The following BABAM2 variants were observed in gnomAD, a reference collection of about 807,000 sequenced individuals.
BABAM2 encodes BRISC and BRCA1-A complex member 2.
Under a neutral mutation model 54.7 loss-of-function variants are expected in BABAM2, and 31 were observed. The observed-to-expected ratio is 0.57, with a 90% CI of 0.43 to 0.77. The LOEUF is 0.77. BABAM2 is among the 30% of genes least tolerant of loss of function. The pLI, the probability that BABAM2 is intolerant of heterozygous loss-of-function variation, is 0.00. For missense variants in BABAM2, 364 were observed against 455.8 expected (o/e 0.80, Z 1.83); for synonymous variants, 167 against 162.9 (o/e 1.03, Z -0.19).
At chr2:28,033,049 A>T (rs1409921353) in intron 5 of BABAM2, among the ~76,000 whole-genome samples, 1 of 152,106 alleles carries the variant, frequency 6.6e-6, no homozygotes, top group Non-Finnish European at 1.5e-5. Flanking sequence ...TACCACAAAG[A>T]TCTCTACTGC....
chr2:28,117,747 A>G (rs182823300), intron 6 of BABAM2, among the ~76,000 whole-genome samples: 1 of 152,332 alleles, frequency 6.6e-6, no homozygotes, highest in East Asian at 1.9e-4. Context: ...CCCAGGTATT[A>G]GGACAGGAAG....
intron 6 of BABAM2, among the ~76,000 whole-genome samples, chr2:28,093,667 T>C (rs1010935956): frequency 2.8e-4 from 42 of 152,356 alleles, no homozygotes; most frequent in African/African-American, 8.7e-4. Flanking sequence ...AGTTTTGTTA[T>C]GAATTAATTA....
chr2:28,016,445 G>A lies in BABAM2; in HGVS notation c.301-8781G>A, dbSNP rs1266294513. 20 of 1,367,304 alleles carry A rather than the reference G, an allele frequency of 1.5e-5. No individual in the cohort carries two copies. In the Admixed American group the frequency reaches 3.4e-4, roughly 23 times the overall value. 84.7% of individuals were successfully genotyped at this position (1,367,304 alleles called of 1,614,324 possible). A position where few individuals can be genotyped will look rare whatever the true frequency, so the allele number is the denominator to read the frequency against. On this transcript the variant is annotated intron_variant, in intron 4 of 11. Transcript: ENST00000379624. ...ACCCCTTGATCTCGCCATTGCTGTT[G>A]GGTTCATATAGGCTACCCATTTGTC...
intron 4 of BABAM2, among the ~76,000 whole-genome samples, chr2:28,004,647 A>G (rs1246742445): frequency 2.6e-5 from 4 of 152,076 alleles, no homozygotes; most frequent in Non-Finnish European, 5.9e-5. Flanking sequence ...CACAAACACT[A>G]ATTGACATAA....
intron 7 of BABAM2, among the ~76,000 whole-genome samples, chr2:28,198,280 C>T (rs186370018): frequency 1.1e-3 from 165 of 152,134 alleles, no homozygotes; most frequent in Admixed American, 9.8e-3. Flanking sequence ...TTTCCTGCCT[C>T]AGCCTCCCGA....
At chr2:27,985,336 C>T (rs1024388253) in intron 3 of BABAM2, among the ~76,000 whole-genome samples, 1 of 152,126 alleles carries the variant, frequency 6.6e-6, no homozygotes, top group African/African-American at 2.4e-5. Flanking sequence ...AGTTTACATT[C>T]CCACCAGCAG....
chr2:28,113,956 A>T (rs992838061), intron 6 of BABAM2, among the ~76,000 whole-genome samples: 1 of 152,114 alleles, frequency 6.6e-6, no homozygotes, highest in Non-Finnish European at 1.5e-5. Context: ...TTTGCTTATG[A>T]TTGGTGTGTA....
At chr2:28,016,578 C>G in intron 4 of BABAM2, 1 of 549,802 alleles carries the variant, frequency 1.8e-6, no homozygotes, top group Non-Finnish European at 3.3e-6. Flanking sequence ...TTCTAATTAA[C>G]TTCTGTACAT....
intron 10 of BABAM2, among the ~76,000 whole-genome samples, chr2:28,263,216 A>G (rs1684692335): frequency 6.6e-6 from 1 of 151,836 alleles, no homozygotes. Flanking sequence ...TACCATTGTT[A>G]TGCATAAATA....
In BABAM2 at chr2:28,136,573, G is replaced by A. The variant is rs780032694; in HGVS notation, c.680+7193G>A. ...TGCTGTGCCTTGTGGCTAGCCAGGA[G>A]GATACTTTCCTTTATGGTCGCCTGT... On this transcript the variant is annotated intron_variant, in intron 7 of 11. Transcript: ENST00000379624. Among the ~76,000 whole-genome samples the A allele has an allele frequency of 8.5e-4, 130 of 152,376 alleles. 3 individuals are homozygous for A. Among genetic ancestry groups the A allele is most frequent in the Non-Finnish European group, 8.5e-4 (58 of 68,040 alleles).
In BABAM2 at chr2:28,253,213, A is replaced by G. The variant is rs527780861; in HGVS notation, c.934+8351A>G. Reference sequence around the variant, plus strand: ...GAGGTCAGGAGTTCAAGACTTGGCCAACATGGTGAAACCCTGCCTCTACTA... The same window carrying G: ...GAGGTCAGGAGTTCAAGACTTGGCCGACATGGTGAAACCCTGCCTCTACTA... On this transcript the variant is annotated intron_variant, in intron 10 of 11. Coordinates refer to ENST00000379624, the MANE Select transcript of BABAM2 (RefSeq NM_199191.3). Among the ~76,000 whole-genome samples, 25 of 152,160 alleles carry G rather than the reference A, an allele frequency of 1.6e-4. No individual in the cohort carries two copies. The South Asian group carries it at 5.2e-3, about 32-fold the overall frequency.
chr2:28,020,009 A>G (rs1675137760), intron 4 of BABAM2, among the ~76,000 whole-genome samples: 1 of 152,220 alleles, frequency 6.6e-6, no homozygotes, highest in African/African-American at 2.4e-5. Flanking sequence ...GGCTAAGGAA[A>G]GCACAATAAA....
chr2:28,220,749 G>A (rs1452702628), intron 7 of BABAM2, among the ~76,000 whole-genome samples: 1 of 151,988 alleles, frequency 6.6e-6, no homozygotes, highest in South Asian at 2.1e-4. Context: ...GGCAACATAG[G>A]AAGACCTTGC....
chr2:28,207,095 T>C (rs1210912498), intron 7 of BABAM2, among the ~76,000 whole-genome samples: 1 of 152,212 alleles, frequency 6.6e-6, no homozygotes, highest in African/African-American at 2.4e-5. Flanking sequence ...ACTCCAAGTC[T>C]GAGGACTTAA....
intron 7 of BABAM2, among the ~76,000 whole-genome samples, chr2:28,163,678 A>G (rs1039507976): frequency 6.6e-6 from 1 of 152,226 alleles, no homozygotes; most frequent in Non-Finnish European, 1.5e-5. Context: ...AAGAAAGGTA[A>G]GGGTGAGGCA....
At chr2:28,270,431 CTTAAAA>C (rs1308007402) in intron 10 of BABAM2, among the ~76,000 whole-genome samples, 6 of 152,166 alleles carry the variant, frequency 3.9e-5, no homozygotes. Context: ...CCTCATGAAA[CTTAAAA>C]TTAAATTATC....
chr2:28,008,963 C>G (rs1674182996), intron 4 of BABAM2, among the ~76,000 whole-genome samples: 1 of 152,134 alleles, frequency 6.6e-6, no homozygotes, highest in South Asian at 2.1e-4. Flanking sequence ...GGAGACACAA[C>G]CTGTAACTTC....
chr2:28,224,482 A>G (rs138938278), intron 7 of BABAM2, among the ~76,000 whole-genome samples: 259 of 152,298 alleles, frequency 1.7e-3, no homozygotes, highest in African/African-American at 6.0e-3. Context: ...TTTTGCAAAC[A>G]AATTTAGTCT....
intron 3 of BABAM2, among the ~76,000 whole-genome samples, chr2:27,984,269 A>G (rs539712531): frequency 5.9e-5 from 9 of 152,198 alleles, no homozygotes; most frequent in African/African-American, 2.2e-4. Flanking sequence ...TAAAGTAACT[A>G]AAGTAAGCCA....
Sources: allele counts gnomAD v4.1 joint callset (sites outside exome capture counted in the v4.1 genomes callset), GRCh38; gene constraint gnomAD v4.1.1; transcripts MANE v1.5; gene names NCBI Gene and HGNC (gene_info 2026-07-23, HGNC 2026-07-21).